Variants in ZCCHC4 observed in about 807,000 individuals in gnomAD.
The protein encoded by ZCCHC4 is rRNA N(6)-adenosine-methyltransferase ZCCHC4.
Under a neutral mutation model 67.7 loss-of-function variants are expected in ZCCHC4, and 54 were observed. The ratio of observed to expected loss-of-function variants is 0.80; its 90% CI spans 0.64 to 1.00. The LOEUF (loss-of-function observed/expected upper bound fraction) is 1.00. ZCCHC4 is among the 50% of genes least tolerant of loss of function. ZCCHC4 has a pLI of 0.00. For missense variants in ZCCHC4, 609 were observed against 617.0 expected, an observed-to-expected ratio of 0.99 and a Z score of 0.14; for synonymous variants, 198 against 213.5, an observed-to-expected ratio of 0.93 and a Z score of 0.63.
chr4:25,369,267 G>C lies in ZCCHC4; in HGVS notation c.*103G>C. The C allele has an allele frequency of 6.6e-7, 1 of 1,511,890 alleles. No individual in the cohort carries two copies. Among genetic ancestry groups the C allele is most frequent in the Non-Finnish European group, 9.0e-7 (1 of 1,115,418 alleles). The allele number at this position is 1,511,890 out of a possible 1,614,324, so 93.7% of individuals were successfully genotyped here. ...TAAATTCAGCTGCTTCCAGAGGTGT[G>C]CACCTTTCTGAGCTAGATAACAGGC... On this transcript the variant is annotated 3_prime_UTR_variant, in exon 13 of 13. Transcript: ENST00000302874.
intron 3 of ZCCHC4, among the ~76,000 whole-genome samples, chr4:25,316,624 G>C (rs1435235469): frequency 9.1e-6 from 1 of 110,416 alleles, no homozygotes; most frequent in Non-Finnish European, 2.2e-5. Context: ...TATGATCTTT[G>C]GAAAAATGTC....
At chr4:25,325,378 G>A (rs1243537929) in intron 3 of ZCCHC4, among the ~76,000 whole-genome samples, 2 of 135,706 alleles carry the variant, frequency 1.5e-5, no homozygotes, top group East Asian at 4.2e-4. Context: ...AGTGATTCTC[G>A]TGCCTCAGCC....
chr4:25,367,434 A>G (rs1204764608), intron 12 of ZCCHC4, among the ~76,000 whole-genome samples: 2 of 152,188 alleles, frequency 1.3e-5, no homozygotes, highest in African/African-American at 2.4e-5. Flanking sequence ...GTGAAAGTTC[A>G]TTCATTTTTA....
At chr4:25,327,305 T>C (rs1160926441) in intron 3 of ZCCHC4, among the ~76,000 whole-genome samples, 4 of 152,190 alleles carry the variant, frequency 2.6e-5, no homozygotes, top group Non-Finnish European at 5.9e-5. Flanking sequence ...TGTATGGTGT[T>C]AGCAATAGGT....
chr4:25,333,837 TGTTG>T, intron 4 of ZCCHC4, 67 bp from the exon 5 acceptor site: 1 of 1,052,334 alleles, frequency 9.5e-7, no homozygotes, highest in Non-Finnish European at 1.4e-6. Context: ...TTGATGGTTT[TGTTG>T]TTTGTTTGTT....
chr4:25,318,278 C>A (rs1269917321), intron 3 of ZCCHC4, among the ~76,000 whole-genome samples: 1 of 126,318 alleles, frequency 7.9e-6, no homozygotes, highest in East Asian at 2.4e-4. Context: ...TCTAGGTGAT[C>A]TTATTTTTAT....
intron 3 of ZCCHC4, among the ~76,000 whole-genome samples, chr4:25,331,012 T>C (rs941600366): frequency 6.6e-6 from 1 of 152,166 alleles, no homozygotes; most frequent in Non-Finnish European, 1.5e-5. Context: ...GCCAGTACTC[T>C]TTCTGTGAAT....
chr4:25,319,322 T>C (rs1252038412), intron 3 of ZCCHC4, among the ~76,000 whole-genome samples: 2 of 151,874 alleles, frequency 1.3e-5, no homozygotes, highest in Non-Finnish European at 2.9e-5. Context: ...GAGGCAGAGC[T>C]TGTAGCGAGC....
In ZCCHC4 at chr4:25,332,178, C is replaced by T. The variant is rs992397349; in HGVS notation, c.330-1005C>T. On this transcript the variant is annotated intron_variant, in intron 3 of 12. Coordinates refer to ENST00000302874, the MANE Select transcript of ZCCHC4 (RefSeq NM_024936.3). ...GAAAAATTAGCTGGATGTGGTGGTG[C>T]GTGCATGTAGTCCCAGCTACTTGGG... Among the ~76,000 whole-genome samples, 11 of 151,816 alleles carry T rather than the reference C, an allele frequency of 7.2e-5. No individual in the cohort carries two copies. The East Asian group carries it at 1.4e-3, about 19-fold the overall frequency.
chr4:25,368,550 G>A (rs879648054), intron 12 of ZCCHC4, among the ~76,000 whole-genome samples: 1 of 152,114 alleles, frequency 6.6e-6, no homozygotes, highest in Non-Finnish European at 1.5e-5. Flanking sequence ...AGGAAAATCT[G>A]TACGACTTAG....
chr4:25,363,172 C>T (rs1380520996), intron 10 of ZCCHC4, among the ~76,000 whole-genome samples: 3 of 152,234 alleles, frequency 2.0e-5, no homozygotes, highest in African/African-American at 7.2e-5. Flanking sequence ...TCCACCTATT[C>T]ATCCTTCTTC....
intron 3 of ZCCHC4, among the ~76,000 whole-genome samples, chr4:25,323,985 G>A (rs1020860852): frequency 7.4e-6 from 1 of 135,240 alleles, no homozygotes; most frequent in African/African-American, 2.8e-5. Context: ...TTATATAAAG[G>A]TAATCGTACA....
intron 12 of ZCCHC4, among the ~76,000 whole-genome samples, chr4:25,367,613 A>G (rs1315026912): frequency 2.6e-5 from 4 of 152,214 alleles, no homozygotes; most frequent in Admixed American, 6.5e-5. Context: ...ATAGATTTAT[A>G]TAGTATGCAT....
intron 3 of ZCCHC4, among the ~76,000 whole-genome samples, chr4:25,329,730 T>G (rs1014815319): frequency 1.3e-5 from 2 of 152,062 alleles, no homozygotes; most frequent in Admixed American, 1.3e-4. Context: ...AGACAGGGTT[T>G]CATCATGTTG....
Position 25,333,463 on chromosome 4 carries a change from G to T in ZCCHC4, c.605+5G>T, listed in dbSNP as rs2109064916. ...ACTGTGTGTTGGAACACCAAGGTAT[G>T]TCATGTGATTTTTTAAAGAATTATC... On this transcript the variant is annotated splice_donor_5th_base_variant and intron_variant, in intron 4 of 12. Coordinates refer to ENST00000302874, the MANE Select transcript of ZCCHC4 (RefSeq NM_024936.3). 6.2e-7 allele frequency: 1 copy of T among 1,612,520 alleles called. No homozygotes were observed. The highest frequency in any genetic ancestry group is 2.2e-5 in the East Asian group (1 of 44,860).
chr4:25,365,258 G>A, intron 12 of ZCCHC4, 92 bp downstream of exon 12: 13 of 1,546,826 alleles, frequency 8.4e-6, no homozygotes, highest in Middle Eastern at 1.8e-4. Context: ...GGATCTTGAA[G>A]TGCCAAGTTA....
In ZCCHC4 at chr4:25,369,247, T is replaced by C; in HGVS notation, c.*83T>C. 1 of 1,578,108 alleles carries C rather than the reference T, an allele frequency of 6.3e-7. No individual in the cohort carries two copies. The highest frequency in any genetic ancestry group is 1.4e-5 in the African/African-American group (1 of 72,846). The stretch of plus-strand genomic sequence containing the variant: ...TGAAAGTGCCACACTGGACTTAAAT[T>C]CAGCTGCTTCCAGAGGTGTGCACCT... On this transcript the variant is annotated 3_prime_UTR_variant, in exon 13 of 13. Transcript: ENST00000302874.
rs79851500 is a variant in ZCCHC4 at position 25,366,476 on chromosome 4, C to T, written c.1406+1310C>T. Among the ~76,000 whole-genome samples, 959 of 152,024 alleles carry T rather than the reference C, an allele frequency of 6.3e-3. 23 individuals are homozygous for T. In the East Asian group the frequency reaches 0.079, roughly 13 times the overall value. On this transcript the variant is annotated intron_variant, in intron 12 of 12. Transcript: ENST00000302874. ...GACTACAGGCGCCTGCCACCATGCC[C>T]GGCTTACTTTTTGTATTTTTTAGTA...
chr4:25,354,418 G>GA (rs200620104), intron 8 of ZCCHC4, among the ~76,000 whole-genome samples: 1 of 151,724 alleles, frequency 6.6e-6, no homozygotes. Flanking sequence ...CAACCTTTGG[G>GA]AAAAAAAATG....
Sources: allele counts gnomAD v4.1 joint callset (sites outside exome capture counted in the v4.1 genomes callset), GRCh38; gene constraint gnomAD v4.1.1; transcripts MANE v1.5; gene names NCBI Gene and HGNC (gene_info 2026-07-23, HGNC 2026-07-21).